The following CFAP95 variants were observed in gnomAD, a reference collection of about 807,000 sequenced individuals.
CFAP95 encodes the protein cilia- and flagella-associated protein 95.
the CFAP95 span, among the ~76,000 whole-genome samples, chr9:69,856,351 T>A: frequency 6.6e-6 from 1 of 152,230 alleles, no homozygotes; most frequent in Non-Finnish European, 1.5e-5. Context: ...ACCAATTTGC[T>A]TTTTATTTCC....
chr9:69,868,436 T>TC, the CFAP95 span, among the ~76,000 whole-genome samples: 1 of 152,016 alleles, frequency 6.6e-6, no homozygotes, highest in Non-Finnish European at 1.5e-5. Context: ...GGGCAGTGAA[T>TC]CACTTGAGGC....
At chr9:69,832,850 A>G in the CFAP95 span, among the ~76,000 whole-genome samples, 1 of 151,646 alleles carries the variant, frequency 6.6e-6, no homozygotes, top group Non-Finnish European at 1.5e-5. Context: ...CCCTATTTGG[A>G]CTTCTTGTTT....
chr9:69,872,551 G>A, the CFAP95 span, among the ~76,000 whole-genome samples: 2 of 152,184 alleles, frequency 1.3e-5, no homozygotes, highest in Non-Finnish European at 2.9e-5. Context: ...TGTGGGAGGG[G>A]AGAACATCTT....
At chr9:69,859,425 A>C in the CFAP95 span, among the ~76,000 whole-genome samples, 3 of 151,590 alleles carry the variant, frequency 2.0e-5, no homozygotes, top group Admixed American at 1.3e-4. Context: ...TAGCTTTAAA[A>C]TTTTTTTTCT....
At chr9:69,843,505 CCCTCCTCCTCCTCCTCCT>C in the CFAP95 span, among the ~76,000 whole-genome samples, 3 of 3,834 alleles carry the variant, frequency 7.8e-4, no homozygotes, top group Non-Finnish European at 1.0e-3. Flanking sequence ...CCTCCTCCCC[CCCTCCTCCTCCTCCTCCT>C]CCTCCTCCTC....
chr9:69,850,613 A>G, the CFAP95 span, among the ~76,000 whole-genome samples: 16 of 152,346 alleles, frequency 1.1e-4, no homozygotes, highest in South Asian at 3.3e-3. Context: ...TTTGACCAGT[A>G]TAATCTTATA....
the CFAP95 span, among the ~76,000 whole-genome samples, chr9:69,901,297 C>G: frequency 5.9e-5 from 9 of 152,102 alleles, no homozygotes; most frequent in Non-Finnish European, 7.4e-5. Context: ...GCCACTACGC[C>G]CAGCTAAATT....
the CFAP95 span, among the ~76,000 whole-genome samples, chr9:69,892,624 A>AT: frequency 1.4e-4 from 21 of 152,232 alleles, no homozygotes; most frequent in Non-Finnish European, 2.4e-4. Context: ...AAATGAGAAT[A>AT]TACATTCCTT....
At chr9:69,885,714 C>T in the CFAP95 span, among the ~76,000 whole-genome samples, 1 of 152,138 alleles carries the variant, frequency 6.6e-6, no homozygotes, top group East Asian at 1.9e-4. Flanking sequence ...CTCAGTCTAT[C>T]TGGCTGTCCT....
chr9:69,839,484 T>C, the CFAP95 span, among the ~76,000 whole-genome samples: 1 of 152,130 alleles, frequency 6.6e-6, no homozygotes, highest in Non-Finnish European at 1.5e-5. Flanking sequence ...ACCAGTGTAG[T>C]GGTGTGATCT....
At chr9:69,869,239 C>T in the CFAP95 span, among the ~76,000 whole-genome samples, 1 of 152,166 alleles carries the variant, frequency 6.6e-6, no homozygotes, top group Non-Finnish European at 1.5e-5. Context: ...GATACAGACT[C>T]AACCTAAGTG....
At chr9:69,885,894 T>A in the CFAP95 span, among the ~76,000 whole-genome samples, 182 of 152,324 alleles carry the variant, frequency 1.2e-3, no homozygotes, top group African/African-American at 4.2e-3. Context: ...TGGTGCTAAA[T>A]TGGAAGTACA....
the CFAP95 span, chr9:69,857,915 C>T: frequency 0.31 from 504,955 of 1,611,254 alleles, 81,367 homozygotes; most frequent in Middle Eastern, 0.44. Flanking sequence ...TTAGGGTCAC[C>T]GGATTGCCTG....
the CFAP95 span, among the ~76,000 whole-genome samples, chr9:69,892,725 G>C: frequency 6.6e-6 from 1 of 152,130 alleles, no homozygotes; most frequent in Non-Finnish European, 1.5e-5. Context: ...CTCACCAGCA[G>C]AGCAGCAGAG....
chr9:69,897,009 G>C, the CFAP95 span, among the ~76,000 whole-genome samples: 2 of 152,186 alleles, frequency 1.3e-5, no homozygotes, highest in African/African-American at 4.8e-5. Flanking sequence ...GATAAGGTAG[G>C]TTTGACTGTG....
chr9:69,835,036 G>A, the CFAP95 span, among the ~76,000 whole-genome samples: 23 of 152,002 alleles, frequency 1.5e-4, no homozygotes, highest in Admixed American at 2.0e-4. Context: ...TGATTCTATC[G>A]GTTTTATGCT....
the CFAP95 span, among the ~76,000 whole-genome samples, chr9:69,887,113 T>A: frequency 5.3e-4 from 80 of 152,248 alleles, 1 homozygote; most frequent in Non-Finnish European, 1.1e-3. Flanking sequence ...TATTGCCGTA[T>A]CTAAAGTATA....
the CFAP95 span, among the ~76,000 whole-genome samples, chr9:69,869,932 G>A: frequency 6.6e-6 from 1 of 152,096 alleles, no homozygotes; most frequent in African/African-American, 2.4e-5. Flanking sequence ...TACTTAAAAT[G>A]AAGTCTTCAG....
chr9:69,902,939 A>G, the CFAP95 span, among the ~76,000 whole-genome samples: 2 of 152,170 alleles, frequency 1.3e-5, no homozygotes, highest in African/African-American at 4.8e-5. Context: ...ATTTCCTCTG[A>G]TTCCAAGTAC....
Sources: gnomAD v4.1 joint callset for allele counts (sites outside exome capture counted in the v4.1 genomes callset) on GRCh38, gnomAD v4.1.1 for gene constraint, MANE v1.5 for transcripts, NCBI Gene and HGNC (gene_info 2026-07-23, HGNC 2026-07-21) for gene names.